DLG2: variants seen among roughly 807,000 people sequenced by gnomAD.
DLG2 encodes disks large homolog 2.
A neutral mutation model predicts 132.5 loss-of-function variants in DLG2; 45 were observed. The ratio of observed to expected loss-of-function variants is 0.34; its 90% confidence interval spans 0.27 to 0.44. The LOEUF is 0.44. Ranked by LOEUF, DLG2 falls within the 20% of genes least tolerant of loss-of-function variation. DLG2 has a pLI of 1.00. For missense variants in DLG2, 1,045 were observed against 1,196.9 expected (o/e 0.87, Z 1.87); for synonymous variants, 424 against 419.6 (o/e 1.01, Z -0.13).
intron 4 of DLG2, among the ~76,000 whole-genome samples, chr11:85,170,055 T>C (rs1005694890): frequency 2.0e-5 from 3 of 152,202 alleles, no homozygotes; most frequent in African/African-American, 7.2e-5. Context: ...AAGCACATAA[T>C]TTTAATTCAA....
intron 16 of DLG2, among the ~76,000 whole-genome samples, chr11:83,834,091 G>A (rs1045440432): frequency 6.6e-6 from 1 of 152,020 alleles, no homozygotes; most frequent in Non-Finnish European, 1.5e-5. Context: ...TCAGTATGAC[G>A]GATGCACACA....
chr11:84,179,525 T>C (rs1050006195), intron 8 of DLG2, among the ~76,000 whole-genome samples: 14 of 152,134 alleles, frequency 9.2e-5, no homozygotes, highest in Non-Finnish European at 1.9e-4. Flanking sequence ...CTGACAGTCA[T>C]GAACTCCAGA....
chr11:84,018,163 G>A (rs1259634720), intron 11 of DLG2, among the ~76,000 whole-genome samples: 1 of 151,612 alleles, frequency 6.6e-6, no homozygotes, highest in Non-Finnish European at 1.5e-5. Flanking sequence ...CCCTCTCCTA[G>A]TGAGGATCCA....
intron 7 of DLG2, among the ~76,000 whole-genome samples, chr11:84,258,762 A>G (rs760912660): frequency 2.6e-5 from 4 of 152,130 alleles, no homozygotes; most frequent in Non-Finnish European, 4.4e-5. Flanking sequence ...GAGTTTTTCT[A>G]GGCGACCAGA....
At chr11:84,350,465 A>C (rs1430769295) in intron 7 of DLG2, among the ~76,000 whole-genome samples, 1 of 152,142 alleles carries the variant, frequency 6.6e-6, no homozygotes, top group East Asian at 1.9e-4. Context: ...GAATATACCT[A>C]GGAGGACATA....
intron 6 of DLG2, among the ~76,000 whole-genome samples, chr11:84,655,746 T>G (rs562131957): frequency 7.2e-5 from 11 of 151,810 alleles, no homozygotes; most frequent in South Asian, 6.2e-4. Flanking sequence ...TTGTTTTTTT[T>G]TTTTTTCATG....
At chr11:84,827,729 T>C (rs1175042182) in intron 6 of DLG2, among the ~76,000 whole-genome samples, 1 of 137,406 alleles carries the variant, frequency 7.3e-6, no homozygotes, top group African/African-American at 2.8e-5. Context: ...CTTAGAGACT[T>C]TGAAACAAAG....
intron 6 of DLG2, among the ~76,000 whole-genome samples, chr11:84,577,237 G>C (rs1181937890): frequency 6.6e-6 from 1 of 152,134 alleles, no homozygotes; most frequent in Non-Finnish European, 1.5e-5. Flanking sequence ...GTGTGAAAAT[G>C]AACTAATATG....
intron 4 of DLG2, among the ~76,000 whole-genome samples, chr11:85,185,565 C>G (rs1274345998): frequency 1.3e-5 from 2 of 151,810 alleles, no homozygotes; most frequent in Non-Finnish European, 2.9e-5. Flanking sequence ...TCTCATGACT[C>G]CATGCATTTT....
At chr11:84,320,304 A>G (rs980685674) in intron 7 of DLG2, among the ~76,000 whole-genome samples, 5 of 152,218 alleles carry the variant, frequency 3.3e-5, no homozygotes, top group African/African-American at 9.7e-5. Flanking sequence ...GCAAAAATGG[A>G]TAAATATATT....
chr11:83,752,510 G>C (rs1417978897), intron 18 of DLG2, among the ~76,000 whole-genome samples: 2 of 152,180 alleles, frequency 1.3e-5, no homozygotes, highest in Non-Finnish European at 2.9e-5. Context: ...ATTGAAAATT[G>C]AGAAGTGACA....
At position 85,421,804 on chromosome 11, in the gene DLG2, G is replaced by C. The variant is rs186177636; in HGVS notation, c.41-136439C>G. Among the ~76,000 whole-genome samples, 19 of 152,160 alleles carry C rather than the reference G, an allele frequency of 1.2e-4. No homozygotes were observed. The East Asian group carries it at 3.7e-3, about 29-fold the overall frequency. On this transcript the variant is annotated intron_variant, in intron 3 of 27. Coordinates refer to ENST00000376104, the MANE Select transcript of DLG2 (RefSeq NM_001142699.3). The stretch of plus-strand genomic sequence containing the variant: ...TCCTCTGAGATTTAGGCTTTAAACA[G>C]TTTCCATTTTGATGTGTTTCCAGGA...
intron 6 of DLG2, among the ~76,000 whole-genome samples, chr11:84,855,881 A>T (rs1268326549): frequency 6.6e-6 from 1 of 151,984 alleles, no homozygotes; most frequent in African/African-American, 2.4e-5. Context: ...TCATAATGGG[A>T]AGAAAAGAAA....
At chr11:84,873,396 A>G (rs941589380) in intron 6 of DLG2, among the ~76,000 whole-genome samples, 3 of 152,234 alleles carry the variant, frequency 2.0e-5, no homozygotes, top group African/African-American at 7.2e-5. Flanking sequence ...CCTTGATTTT[A>G]TACCTGTAAG....
intron 4 of DLG2, among the ~76,000 whole-genome samples, chr11:85,267,262 CA>C (rs1238765009): frequency 1.3e-5 from 2 of 152,324 alleles, no homozygotes; most frequent in East Asian, 3.9e-4. Flanking sequence ...AAACCAGAAA[CA>C]GGGCTTTTAC....
intron 7 of DLG2, chr11:84,272,289 G>A (rs1422491704): frequency 2.3e-6 from 1 of 438,680 alleles, no homozygotes; most frequent in Non-Finnish European, 4.6e-6. Flanking sequence ...CTTCAAGGAA[G>A]ATTTATTCCA....
At chr11:85,324,458 T>A (rs564748060) in intron 3 of DLG2, among the ~76,000 whole-genome samples, 1 of 152,266 alleles carries the variant, frequency 6.6e-6, no homozygotes, top group African/African-American at 2.4e-5. Flanking sequence ...CTTTAAGATT[T>A]TCATCAAAAA....
At chr11:84,166,514 A>AAAAAG (rs1566783287) in intron 8 of DLG2, among the ~76,000 whole-genome samples, 1 of 149,452 alleles carries the variant, frequency 6.7e-6, no homozygotes, top group Non-Finnish European at 1.5e-5. Context: ...AAAAAAAAAA[A>AAAAAG]AAAAAAGAAA....
intron 8 of DLG2, among the ~76,000 whole-genome samples, chr11:84,225,163 C>A (rs1299580117): frequency 6.6e-6 from 1 of 152,150 alleles, no homozygotes; most frequent in African/African-American, 2.4e-5. Flanking sequence ...AGTACCTCAG[C>A]TAAGGTCTGG....
Sources: gnomAD v4.1 joint callset for allele counts (sites outside exome capture counted in the v4.1 genomes callset) on GRCh38, gnomAD v4.1.1 for gene constraint, MANE v1.5 for transcripts, NCBI Gene and HGNC (gene_info 2026-07-23, HGNC 2026-07-21) for gene names.